The following CDRT4 variants were observed in gnomAD, a reference collection of about 807,000 sequenced individuals.
CDRT4 encodes CMT1A duplicated region transcript 4 protein.
For missense variants in CDRT4, 167 were observed against 193.1 expected, an observed-to-expected ratio of 0.87 and a Z score of 0.80; for synonymous variants, 64 against 69.6, an observed-to-expected ratio of 0.92 and a Z score of 0.40.
intron 2 of CDRT4, chr17:15,452,762 C>T (rs894269019): frequency 2.6e-5 from 4 of 152,254 alleles, no homozygotes; most frequent in African/African-American, 7.2e-5. Context: ...GTGAAATAGA[C>T]AGGCCCTCCT....
rs1979926549 is a variant in CDRT4 at position 15,464,936 on chromosome 17, CACACACACACCAACACACAG to C, written c.-130+2504_-130+2523del. Among the ~76,000 whole-genome samples, 2 of 152,022 alleles carry C rather than the reference CACACACACACCAACACACAG, an allele frequency of 1.3e-5. No individual in the cohort carries two copies. The highest frequency in any genetic ancestry group is 2.1e-4 in the South Asian group (1 of 4,826). On this transcript the variant is annotated intron_variant, in intron 1 of 3. Coordinates refer to ENST00000619038, the MANE Select transcript of CDRT4 (RefSeq NM_001204477.2). The surrounding 1 kb of genome is among the most constrained non-coding windows in gnomAD (Gnocchi z 4.5). ...CAAGAAAGTGCAAGTGGGTGCAACA[CACACACACACCAACACACAG>C]ACACACACACCAACAGACACACCAA...
In CDRT4 at chr17:15,438,192, CTG is replaced by C; in HGVS notation, c.38_39del (p.Thr13ArgfsTer11). 2.5e-6 allele frequency: 4 copies of C among 1,612,900 alleles called. No individual in the cohort carries two copies. The highest frequency in any genetic ancestry group is 3.4e-6 in the Non-Finnish European group (4 of 1,179,218). ...AGCTTCCGGGGAAGTCCAGTGTTTTCTGTGAGTCCTACCAACAAAGAGAAATG... is the reference window on the plus strand; with the variant it reads ...AGCTTCCGGGGAAGTCCAGTGTTTTCTGAGTCCTACCAACAAAGAGAAATG... ...ARRMKKEEGLTENTGLPRKLL... is the reference protein window; with the variant it reads ...ARRMKKEEGLXENTGLPRKLL... On this transcript the variant is annotated frameshift_variant, in exon 4 of 4. Coordinates refer to ENST00000619038, the MANE Select transcript of CDRT4 (RefSeq NM_001204477.2). LOFTEE classifies it low-confidence loss of function (END_TRUNC).
rs549230903 is a variant in CDRT4 at position 15,446,423 on chromosome 17, G to C, written c.-47-6138C>G. ...TGACACAGACACTGGGGACCCTTGGGAATCGTAGAAATGTTAAGGCAAAGG... is the reference window on the plus strand; with the variant it reads ...TGACACAGACACTGGGGACCCTTGGCAATCGTAGAAATGTTAAGGCAAAGG... On this transcript the variant is annotated intron_variant, in intron 2 of 3. Transcript: ENST00000619038. Among the ~76,000 whole-genome samples the C allele has an allele frequency of 2.0e-5, 3 of 152,208 alleles. No homozygotes were observed. In the East Asian group the frequency reaches 5.8e-4, roughly 29 times the overall value.
intron 2 of CDRT4, among the ~76,000 whole-genome samples, chr17:15,452,026 C>T (rs1979284879): frequency 6.6e-6 from 1 of 152,194 alleles, no homozygotes; most frequent in South Asian, 2.1e-4. Flanking sequence ...CGCTGGAAAT[C>T]CAAATATCCA....
At chr17:15,465,995 A>T (rs1980022633) in intron 1 of CDRT4, among the ~76,000 whole-genome samples, 1 of 149,886 alleles carries the variant, frequency 6.7e-6, no homozygotes, top group Non-Finnish European at 1.5e-5. Flanking sequence ...TGCCCTGCAC[A>T]AGTGGTAAGC....
intron 1 of CDRT4, among the ~76,000 whole-genome samples, chr17:15,461,918 TA>T (rs573725916): frequency 4.6e-5 from 7 of 152,158 alleles, no homozygotes; most frequent in African/African-American, 1.4e-4. Flanking sequence ...TATGTAGTCT[TA>T]AAAATTAAAA....
rs1288615503 is a variant in CDRT4, at chr17:15,464,995, GCAATACAGACACACA to G, written c.-130+2450_-130+2464del. On this transcript the variant is annotated intron_variant, in intron 1 of 3. Coordinates refer to ENST00000619038, the MANE Select transcript of CDRT4 (RefSeq NM_001204477.2). The surrounding 1 kb of genome is among the most constrained non-coding windows in gnomAD (Gnocchi z 4.5). ...CAGACACACCAACACACAGACACAC[GCAATACAGACACACA>G]CAACACAGACACACACCAACACACA... Among the ~76,000 whole-genome samples, 36 of 109,988 alleles carry G rather than the reference GCAATACAGACACACA, an allele frequency of 3.3e-4. No individual in the cohort carries two copies. In the East Asian group the frequency reaches 8.7e-3, roughly 27 times the overall value. The allele number at this position is 109,988 out of a possible 152,430, so 72.2% of individuals were successfully genotyped here.
rs1979889993 is a variant in CDRT4, at chr17:15,464,207, AG to A, written c.-130+3252del. On this transcript the variant is annotated intron_variant, in intron 1 of 3. Transcript: ENST00000619038. The surrounding 1 kb of genome is among the most constrained non-coding windows in gnomAD (Gnocchi z 4.5). Reference sequence around the variant, plus strand: ...TGTCACTGAGCTTGGGGATAGGGCCAGGGATGGGGATGGAGATGCCAATGGG... The same window carrying A: ...TGTCACTGAGCTTGGGGATAGGGCCAGGATGGGGATGGAGATGCCAATGGG... 6.6e-6 allele frequency among the ~76,000 whole-genome samples: 1 copy of A among 152,102 alleles called. No individual in the cohort carries two copies. The highest frequency in any genetic ancestry group is 2.4e-5 in the African/African-American group (1 of 41,414).
rs550778457 is a variant in CDRT4 at position 15,446,437 on chromosome 17, T to A, written c.-47-6152A>T. Among the ~76,000 whole-genome samples the A allele has an allele frequency of 3.3e-5, 5 of 152,160 alleles. No individual in the cohort carries two copies. The East Asian group carries it at 9.6e-4, about 29-fold the overall frequency. ...GGGACCCTTGGGAATCGTAGAAATG[T>A]TAAGGCAAAGGGCAATGGGAGTGGG... On this transcript the variant is annotated intron_variant, in intron 2 of 3. Transcript: ENST00000619038.
intron 1 of CDRT4, among the ~76,000 whole-genome samples, chr17:15,455,625 G>A (rs982769945): frequency 7.2e-5 from 11 of 152,144 alleles, no homozygotes; most frequent in Admixed American, 1.3e-4. Context: ...TCTCTTTCTC[G>A]TTCATCTTAA....
intron 1 of CDRT4, among the ~76,000 whole-genome samples, chr17:15,455,354 C>G (rs1482910730): frequency 6.6e-6 from 1 of 152,214 alleles, no homozygotes; most frequent in Non-Finnish European, 1.5e-5. Context: ...CAACTCACAT[C>G]TTAACAGAAC....
At chr17:15,453,954 G>GT (rs1363767671) in intron 1 of CDRT4, among the ~76,000 whole-genome samples, 9 of 152,254 alleles carry the variant, frequency 5.9e-5, no homozygotes, top group African/African-American at 2.2e-4. Flanking sequence ...CAGGCACATG[G>GT]TAAGAGCCTA....
At position 15,437,471 on chromosome 17, in the gene CDRT4, G is replaced by C; in HGVS notation, c.*302C>G. ...TAATAAAAGAGCTTGTGTGATTTCT[G>C]TCTCCTGCCTGGACCCAGACAAATC... On this transcript the variant is annotated 3_prime_UTR_variant, in exon 4 of 4. Coordinates refer to ENST00000619038, the MANE Select transcript of CDRT4 (RefSeq NM_001204477.2). 1 of 434,010 alleles carries C rather than the reference G, an allele frequency of 2.3e-6. No homozygotes were observed. Among genetic ancestry groups the C allele is most frequent in the South Asian group, 3.7e-5 (1 of 27,024 alleles). The allele number at this position is 434,010 out of a possible 1,614,324, so 26.9% of individuals were successfully genotyped here. A position where few individuals can be genotyped will look rare whatever the true frequency, so the allele number is the denominator to read the frequency against.
intron 3 of CDRT4, among the ~76,000 whole-genome samples, chr17:15,438,450 A>G (rs1007883212): frequency 1.3e-5 from 2 of 152,184 alleles, no homozygotes; most frequent in African/African-American, 2.4e-5. Flanking sequence ...GATTTTAAAT[A>G]TTTGCATAAC....
At chr17:15,465,966 G>T (rs1026520370) in intron 1 of CDRT4, among the ~76,000 whole-genome samples, 1 of 151,854 alleles carries the variant, frequency 6.6e-6, no homozygotes, top group Non-Finnish European at 1.5e-5. Flanking sequence ...TTCTACAGCT[G>T]GTGGGGAAAC....
At chr17:15,443,988 T>G in intron 2 of CDRT4, 1 of 733,822 alleles carries the variant, frequency 1.4e-6, no homozygotes. Flanking sequence ...GGGTGAAAAA[T>G]ACATCCACAG....
chr17:15,441,046 C>T lies in CDRT4; in HGVS notation c.-47-761G>A, dbSNP rs1978734063. On this transcript the variant is annotated intron_variant, in intron 2 of 3. Coordinates refer to ENST00000619038, the MANE Select transcript of CDRT4 (RefSeq NM_001204477.2). ...TGAGTCCAGGAGATCTTTTTGGTTC[C>T]TTTCCAGCTCTAAGACACATGCGTA... is the stretch of plus-strand genomic sequence containing the variant. 2.0e-5 allele frequency among the ~76,000 whole-genome samples: 3 copies of T among 152,304 alleles called. No individual in the cohort carries two copies. In the South Asian group the frequency reaches 6.2e-4, roughly 32 times the overall value.
intron 1 of CDRT4, 129 bp downstream of exon 1, chr17:15,467,331 C>T (rs1980086731): frequency 6.6e-6 from 1 of 152,126 alleles, no homozygotes; most frequent in Non-Finnish European, 1.5e-5. Flanking sequence ...ACTCTGGGGA[C>T]CCTTTAATGG....
At chr17:15,458,591 C>G (rs1325575516) in intron 1 of CDRT4, among the ~76,000 whole-genome samples, 2 of 152,200 alleles carry the variant, frequency 1.3e-5, no homozygotes, top group Non-Finnish European at 2.9e-5. Context: ...AAATGTCCAG[C>G]ATGACAGTCT....
Sources: allele counts gnomAD v4.1 joint callset (sites outside exome capture counted in the v4.1 genomes callset), GRCh38; gene constraint gnomAD v4.1.1; non-coding constraint Gnocchi (gnomAD v3.1); transcripts MANE v1.5; gene names NCBI Gene and HGNC (gene_info 2026-07-23, HGNC 2026-07-21).